Variants in PIWIL1 observed in about 807,000 individuals in gnomAD.
The protein encoded by PIWIL1 is piwi-like protein 1.
Under a neutral mutation model 114.4 loss-of-function variants are expected in PIWIL1, and 73 were observed. That is an observed-to-expected ratio of 0.64 (90% confidence interval 0.53 to 0.78). PIWIL1 has a LOEUF of 0.78. PIWIL1 is among the 30% of genes least tolerant of loss of function. The probability of loss-of-function intolerance (pLI) is 0.00; values close to 1 mark genes in which losing one functional copy is unlikely to be tolerated. For synonymous variants in PIWIL1, 375 were observed against 369.0 expected (o/e 1.02, Z -0.19); for missense variants, 723 against 1,063.1 (o/e 0.68, Z 4.45).
intron 19 of PIWIL1, among the ~76,000 whole-genome samples, chr12:130,369,662 T>C (rs2073766526): frequency 6.6e-6 from 1 of 152,226 alleles, no homozygotes; most frequent in Non-Finnish European, 1.5e-5. Context: ...AGCTTTTTCA[T>C]GTATGTTTCC....
the PIWIL1 span, chr12:130,422,361 G>T: frequency 1.3e-6 from 1 of 766,778 alleles, no homozygotes; most frequent in Non-Finnish European, 2.1e-6. This position sits in a 1 kb window ranked among gnomAD's most constrained non-coding sequence, Gnocchi z 5.2. Context: ...AGCGGAAAAT[G>T]CTACTCCTAA....
chr12:130,346,826 C>T, intron 5 of PIWIL1, 115 bp from the exon 6 acceptor site: 4 of 1,328,044 alleles, frequency 3.0e-6, no homozygotes, highest in Non-Finnish European at 4.1e-6. Context: ...TAAAAAAAAT[C>T]CAGTTAAAAC....
chr12:130,348,195 G>A lies in PIWIL1; in HGVS notation c.734+12G>A. 1 of 1,502,478 alleles carries A rather than the reference G, an allele frequency of 6.7e-7. No homozygotes were observed. Among genetic ancestry groups the A allele is most frequent in the African/African-American group, 1.4e-5 (1 of 72,580 alleles). 93.1% of individuals were successfully genotyped at this position (1,502,478 alleles called of 1,614,324 possible). On this transcript the variant is annotated intron_variant, in intron 7 of 20. Coordinates refer to ENST00000245255, the MANE Select transcript of PIWIL1 (RefSeq NM_004764.5). ...ATTCCAAGTCACAGGTTTGTATGAA[G>A]TAGAACGTTTAATATTCCTTAGGCT...
chr12:130,338,100 G>C lies in PIWIL1; in HGVS notation c.-59G>C, dbSNP rs1041676031. ...GGGAGCCGTTGGGGCTGTTGGCCTC[G>C]GGCTGAGGTGCAAGGACCAGGACTA... On this transcript the variant is annotated 5_prime_UTR_variant, in exon 1 of 21. Transcript: ENST00000245255. 4 of 223,758 alleles carry C rather than the reference G, an allele frequency of 1.8e-5. No homozygotes were observed. Among genetic ancestry groups the C allele is most frequent in the Non-Finnish European group, 3.5e-5 (4 of 112,832 alleles). 13.9% of individuals were successfully genotyped at this position (223,758 alleles called of 1,614,324 possible). A position where few individuals can be genotyped will look rare whatever the true frequency, so the allele number is the denominator to read the frequency against.
chr12:130,346,237 CTG>C (rs2073064415), intron 4 of PIWIL1, 131 bp from the exon 5 acceptor site: 3 of 656,234 alleles, frequency 4.6e-6, no homozygotes, highest in Non-Finnish European at 7.8e-6. Context: ...AGTCAGATGT[CTG>C]AGGACTTTCA....
Position 130,342,658 on chromosome 12 carries a change from G to A in PIWIL1, c.67G>A (p.Gly23Ser), listed in dbSNP as rs139256282. 1.2e-6 allele frequency: 2 copies of A among 1,612,550 alleles called. No homozygotes were observed. Among genetic ancestry groups the A allele is most frequent in the Non-Finnish European group, 1.7e-6 (2 of 1,178,732 alleles). Residue 23 changes from glycine (G) to serine (S), a missense_variant, in exon 2 of 21, where the codon GGC (glycine) becomes AGC (serine). This residue lies in a region of PIWIL1 where 91 missense variants were observed against 76.2 expected (regional missense o/e 1.19). Transcript: ENST00000245255. Reference protein sequence around the residue: ...ARGQETAQLVGSTASQQPGYI... With the variant: ...ARGQETAQLVSSTASQQPGYI... ...CGGTCAGGAGACAGCGCAGCTGGTG[G>A]GCTCCACTGCCGTGAGTGCTTCACC... is the stretch of plus-strand genomic sequence containing the variant.
chr12:130,348,423 G>T (rs1314084583), intron 7 of PIWIL1, among the ~76,000 whole-genome samples: 4 of 152,104 alleles, frequency 2.6e-5, no homozygotes, highest in Admixed American at 2.0e-4. Flanking sequence ...TTGTATTTTT[G>T]CCCTTAGGTA....
the PIWIL1 span, chr12:130,397,428 G>C: frequency 2.5e-6 from 1 of 398,714 alleles, no homozygotes; most frequent in Admixed American, 4.4e-5. Context: ...TTTCTTTTTC[G>C]AGGACATTTC....
the PIWIL1 span, among the ~76,000 whole-genome samples, chr12:130,390,356 G>T: frequency 6.6e-6 from 1 of 152,172 alleles, no homozygotes; most frequent in African/African-American, 2.4e-5. Flanking sequence ...GAGGTTGTTT[G>T]TACAGCAGAC....
chr12:130,361,807 T>A (rs1242666128), intron 16 of PIWIL1, among the ~76,000 whole-genome samples: 3 of 152,234 alleles, frequency 2.0e-5, no homozygotes, highest in Non-Finnish European at 2.9e-5. Flanking sequence ...AGATTTTTTT[T>A]AATCATATGT....
At chr12:130,361,656 G>C in intron 16 of PIWIL1, 55 bp downstream of exon 16, 4 of 1,319,076 alleles carry the variant, frequency 3.0e-6, no homozygotes, top group Middle Eastern at 3.7e-4. Context: ...CAGGGTTCTG[G>C]AGGTTCAGGA....
chr12:130,372,170 AC>A lies in PIWIL1; in HGVS notation c.*573del, dbSNP rs1463443756. ...GCTAGGTTGTATGGGAGTAAAAAAA[AC>A]ATTGAAAATTTTTAAATTGTCCAAA... On this transcript the variant is annotated 3_prime_UTR_variant, in exon 21 of 21. Transcript: ENST00000245255. 6.6e-6 allele frequency: 1 copy of A among 152,160 alleles called. No individual in the cohort carries two copies. The highest frequency in any genetic ancestry group is 1.9e-4 in the East Asian group (1 of 5,194). 9.4% of individuals were successfully genotyped at this position (152,160 alleles called of 1,614,324 possible).
At chr12:130,375,703 A>C (rs2073861828), downstream of PIWIL1, among the ~76,000 whole-genome samples, 1 of 152,100 alleles carries the variant, frequency 6.6e-6, no homozygotes, top group Non-Finnish European at 1.5e-5. Context: ...TTTATGTTAA[A>C]AAATAAAAGC....
intron 4 of PIWIL1, among the ~76,000 whole-genome samples, chr12:130,346,135 T>G (rs760436092): frequency 1.1e-4 from 16 of 152,216 alleles, no homozygotes; most frequent in Non-Finnish European, 2.2e-4. Context: ...TTGTTGCAAA[T>G]TATTTGTAAA....
intron 16 of PIWIL1, among the ~76,000 whole-genome samples, chr12:130,362,228 C>T (rs577160996): frequency 6.6e-6 from 1 of 152,144 alleles, no homozygotes; most frequent in Non-Finnish European, 1.5e-5. Context: ...CCTCCTCCCA[C>T]CTTCCACCCC....
the PIWIL1 span, among the ~76,000 whole-genome samples, chr12:130,404,151 C>T: frequency 6.6e-6 from 1 of 152,010 alleles, no homozygotes; most frequent in African/African-American, 2.4e-5. Context: ...CCAAGGGAAT[C>T]GGTTGATAAG....
the PIWIL1 span, among the ~76,000 whole-genome samples, chr12:130,400,515 C>T: frequency 6.6e-6 from 1 of 152,180 alleles, no homozygotes; most frequent in Non-Finnish European, 1.5e-5. Context: ...CACAGGCCTA[C>T]CACGTCACTT....
chr12:130,349,862 C>T lies in PIWIL1; in HGVS notation c.939C>T (p.Asn313=). The T allele has an allele frequency of 3.8e-6, 6 of 1,581,994 alleles. No homozygotes were observed. Among genetic ancestry groups the T allele is most frequent in the Non-Finnish European group, 5.2e-6 (6 of 1,155,850 alleles). Reference sequence around the variant, plus strand: ...AATCTCAACTGATCCCTAGGTATAACAATAAGACATACAGAGTGGATGATA... The same window carrying T: ...AATCTCAACTGATCCCTAGGTATAATAATAAGACATACAGAGTGGATGATA... ...LIGLVVLTKY[N]NKTYRVDDID... is the part of the protein sequence containing the mutation. The change falls in exon 9 of 21, where the codon AAC becomes AAT. Residue 313 remains asparagine (N), a synonymous_variant. Coordinates refer to ENST00000245255, the MANE Select transcript of PIWIL1 (RefSeq NM_004764.5).
At chr12:130,362,924 T>C (rs1334538341) in intron 17 of PIWIL1, 67 bp from the exon 18 acceptor site, 8 of 1,611,738 alleles carry the variant, frequency 5.0e-6, no homozygotes, top group Non-Finnish European at 6.8e-6. Flanking sequence ...GGGCCCAGAC[T>C]TTGGGAAGAA....
Sources: allele counts gnomAD v4.1 joint callset (sites outside exome capture counted in the v4.1 genomes callset), GRCh38; gene constraint gnomAD v4.1.1; regional missense constraint gnomAD v4.1.1; non-coding constraint Gnocchi (gnomAD v3.1); transcripts MANE v1.5; gene names NCBI Gene and HGNC (gene_info 2026-07-23, HGNC 2026-07-21).